TARBP1: variants seen among roughly 807,000 people sequenced by gnomAD.
The protein encoded by TARBP1 is tRNA (guanosine(18)-2'-O)-methyltransferase TARBP1.
A neutral mutation model predicts 178.6 loss-of-function variants in TARBP1; 144 were observed. The observed-to-expected ratio is 0.81, with a 90% CI of 0.70 to 0.93. The LOEUF (loss-of-function observed/expected upper bound fraction) is 0.93, where lower values mean the gene tolerates loss of function less well. Ranked by LOEUF, TARBP1 falls within the 40% of genes least tolerant of loss-of-function variation. The probability of loss-of-function intolerance (pLI) is 0.00; values close to 1 mark genes in which losing one functional copy is unlikely to be tolerated. For synonymous variants in TARBP1, 787 were observed against 781.0 expected (o/e 1.01, Z -0.13); for missense variants, 2,067 against 2,011.7 (o/e 1.03, Z -0.53).
intron 6 of TARBP1, among the ~76,000 whole-genome samples, chr1:234,460,624 T>C (rs961151422): frequency 2.0e-5 from 3 of 152,090 alleles, no homozygotes; most frequent in Admixed American, 2.0e-4. Context: ...GTGCAGCCGC[T>C]GTGGAAAAAA....
chr1:234,410,474 C>A lies in TARBP1; in HGVS notation c.3763G>T (p.Asp1255Tyr). 6.6e-7 allele frequency: 1 copy of A among 1,519,324 alleles called. No homozygotes were observed. Among genetic ancestry groups the A allele is most frequent in the South Asian group, 1.2e-5 (1 of 85,044 alleles). The allele number at this position is 1,519,324 out of a possible 1,614,324, so 94.1% of individuals were successfully genotyped here. A position where few individuals can be genotyped will look rare whatever the true frequency, so the allele number is the denominator to read the frequency against. ...TCTGGAATATTTTGAGTAATAATGT[C>A]TAAATGTGATAAAACTGCTAAAAAC... ...CTFLAVLSHL[D>Y]IITQNIPEKK... is the part of the protein sequence containing the mutation. The change falls in exon 23 of 30, where the codon GAC (aspartate) becomes TAC (tyrosine). Residue 1255 changes from aspartate to tyrosine, a missense_variant. Coordinates refer to ENST00000040877, the MANE Select transcript of TARBP1 (RefSeq NM_005646.4).
chr1:234,405,863 G>A (rs1278381656), intron 24 of TARBP1, 40 bp downstream of exon 24: 3 of 1,578,504 alleles, frequency 1.9e-6, no homozygotes, highest in Non-Finnish European at 2.6e-6. Context: ...GGCCCTGCTG[G>A]AGGAGAGTGA....
chr1:234,393,366 A>C lies in TARBP1; in HGVS notation c.4556T>G (p.Val1519Gly). 6.4e-7 allele frequency: 1 copy of C among 1,550,778 alleles called. No individual in the cohort carries two copies. Among genetic ancestry groups the C allele is most frequent in the Non-Finnish European group, 8.7e-7 (1 of 1,144,668 alleles). The change falls in exon 28 of 30, where the codon GTG becomes GGG. Residue 1519 changes from valine to glycine, a missense_variant. Val to Gly is a moderately radical substitution (Grantham distance 109, BLOSUM62 -3). Transcript: ENST00000040877. The stretch of plus-strand genomic sequence containing the variant: ...AATAAATTACTTTCCACCCACCTCC[A>C]CTAGAGGAAGCCACTGTTCTGCAGA... ...SVSAEQWLPL[V>G]EVKPPQLIDY... is the part of the protein sequence containing the mutation.
intron 9 of TARBP1, among the ~76,000 whole-genome samples, chr1:234,457,100 C>G (rs1309975925): frequency 6.6e-6 from 1 of 152,142 alleles, no homozygotes. Flanking sequence ...AGTAAGAGGT[C>G]TGGAGGCCAG....
chr1:234,406,324 T>G, intron 23 of TARBP1: 3 of 550,020 alleles, frequency 5.5e-6, no homozygotes, highest in Non-Finnish European at 9.7e-6. Context: ...TAGTTTTCAT[T>G]AATGCTGCAG....
In TARBP1 at chr1:234,425,785, CTCTTAGTACTA is replaced by C; in HGVS notation, c.3324-3_3331del. Reference sequence around the variant, plus strand: ...ACAAATTCTCACATAATGGTCTTCTCTCTTAGTACTAAAAAAATTAAATGATAAATTATGTT... The same window carrying C: ...ACAAATTCTCACATAATGGTCTTCTCAAAAAATTAAATGATAAATTATGTT... On this transcript the variant is annotated splice_acceptor_variant and splice_polypyrimidine_tract_variant and coding_sequence_variant and intron_variant, in exon 20 of 30. Transcript: ENST00000040877. LOFTEE classifies it high-confidence loss of function. 6.4e-7 allele frequency: 1 copy of C among 1,560,458 alleles called. No individual in the cohort carries two copies. Among genetic ancestry groups the C allele is most frequent in the Non-Finnish European group, 8.7e-7 (1 of 1,146,936 alleles).
chr1:234,466,004 T>C (rs1286480658), intron 4 of TARBP1, among the ~76,000 whole-genome samples: 1 of 151,932 alleles, frequency 6.6e-6, no homozygotes, highest in Non-Finnish European at 1.5e-5. Flanking sequence ...AAGAAACATA[T>C]GCTAGAAAAT....
intron 20 of TARBP1, 72 bp from the exon 21 acceptor site, chr1:234,420,884 C>T (rs6661926): frequency 0.25 from 230,132 of 929,568 alleles, 30,721 homozygotes; most frequent in East Asian, 0.42. Flanking sequence ...AAATCAATGA[C>T]AACTTGAAAT....
At chr1:234,467,382 A>G in intron 4 of TARBP1, 120 bp downstream of exon 4, 1 of 1,051,626 alleles carries the variant, frequency 9.5e-7, no homozygotes, top group Middle Eastern at 2.3e-4. Context: ...CTGGGTTTAG[A>G]GAAATATGAT....
chr1:234,470,087 C>T (rs952756286), intron 3 of TARBP1, among the ~76,000 whole-genome samples: 2 of 151,960 alleles, frequency 1.3e-5, no homozygotes, highest in African/African-American at 4.8e-5. Context: ...GCCAACGTGG[C>T]AAAACCCCGT....
rs1196642240 is a variant in TARBP1, at chr1:234,451,787, G to A, written c.1723-1221C>T. Among the ~76,000 whole-genome samples, 3 of 148,758 alleles carry A rather than the reference G, an allele frequency of 2.0e-5. 1 individual carries two copies. Among genetic ancestry groups the A allele is most frequent in the African/African-American group, 4.9e-5 (2 of 40,862 alleles). ...AAAAATGATGAATGACTGGATCATCGAAGTGGTCAGGACTAAAAGACACCA... is the reference window on the plus strand; with the variant it reads ...AAAAATGATGAATGACTGGATCATCAAAGTGGTCAGGACTAAAAGACACCA... On this transcript the variant is annotated intron_variant, in intron 9 of 29. Coordinates refer to ENST00000040877, the MANE Select transcript of TARBP1 (RefSeq NM_005646.4).
chr1:234,405,112 C>T (rs1247369532), intron 24 of TARBP1, among the ~76,000 whole-genome samples: 1 of 152,096 alleles, frequency 6.6e-6, no homozygotes, highest in Non-Finnish European at 1.5e-5. Flanking sequence ...ATGCTGCTTC[C>T]AACACTTAAC....
chr1:234,394,274 T>C (rs1276024033), intron 26 of TARBP1, among the ~76,000 whole-genome samples: 1 of 152,204 alleles, frequency 6.6e-6, no homozygotes, highest in Admixed American at 6.5e-5. Flanking sequence ...TAATAAAATA[T>C]CTAAAATAAT....
chr1:234,393,408 A>G lies in TARBP1; in HGVS notation c.4514T>C (p.Phe1505Ser). 1 of 1,607,826 alleles carries G rather than the reference A, an allele frequency of 6.2e-7. No individual in the cohort carries two copies. Among genetic ancestry groups the G allele is most frequent in the Non-Finnish European group, 8.5e-7 (1 of 1,176,552 alleles). ...GSLQCISDKQ[F>S]QHLSVSAEQW... ...TTCTGCAGAGACACTGAGGTGCTGA[A>G]ACTGTTTGTCGCTGATACACTGAAG... Residue 1505 changes from phenylalanine to serine, a missense_variant, in exon 28 of 30, where the codon TTT becomes TCT. Coordinates refer to ENST00000040877, the MANE Select transcript of TARBP1 (RefSeq NM_005646.4).
In TARBP1 at chr1:234,478,467, C is replaced by G; in HGVS notation, c.637G>C (p.Gly213Arg). The part of the protein sequence containing the change: ...GGAALRAVWG[G>R]LAAPGASLGS... ...AGGGACGCCCCAGGCGCGGCCAGCC[C>G]GCCCCACACGGCCCGCAGCGCCGCC... Residue 213 changes from glycine (G) to arginine (R), a missense_variant, in exon 1 of 30, where the codon GGG (glycine) becomes CGG (arginine). Coordinates refer to ENST00000040877, the MANE Select transcript of TARBP1 (RefSeq NM_005646.4). The G allele has an allele frequency of 7.2e-7, 1 of 1,381,602 alleles. No homozygotes were observed. The allele number at this position is 1,381,602 out of a possible 1,614,324, so 85.6% of individuals were successfully genotyped here.
At chr1:234,402,500 A>C (rs540574097) in intron 24 of TARBP1, among the ~76,000 whole-genome samples, 72 of 152,342 alleles carry the variant, frequency 4.7e-4, no homozygotes, top group African/African-American at 1.7e-3. Context: ...AGGTAAAGAA[A>C]ATTATAGACA....
Position 234,392,517 on chromosome 1 carries a change from C to T in TARBP1, c.4596G>A (p.Gln1532=), listed in dbSNP as rs757107013. ...TGATGGTATAACCTTCTGTTTTCTT[C>T]TGCTGCAGATAATCAATTAGCTGAG... ...KPPQLIDYLQ[Q]KKTEGYTIIG... is the part of the protein sequence containing the mutation. The change falls in exon 29 of 30, where the codon CAG becomes CAA. Residue 1532 remains glutamine, a synonymous_variant. Coordinates refer to ENST00000040877, the MANE Select transcript of TARBP1 (RefSeq NM_005646.4). The T allele has an allele frequency of 2.6e-5, 42 of 1,613,950 alleles. No homozygotes were observed. Among genetic ancestry groups the T allele is most frequent in the Non-Finnish European group, 3.4e-5 (40 of 1,179,990 alleles).
chr1:234,432,135 CAAAAAA>C (rs72281584), intron 14 of TARBP1, among the ~76,000 whole-genome samples: 14,865 of 94,364 alleles, frequency 0.16, 1,161 homozygotes, highest in East Asian at 0.37. Context: ...ACTCCGTCTC[CAAAAAA>C]AAAAAAAAAA....
intron 9 of TARBP1, 109 bp from the exon 10 acceptor site, chr1:234,450,675 A>C: frequency 8.1e-7 from 1 of 1,240,708 alleles, no homozygotes; most frequent in East Asian, 2.6e-5. Context: ...AATTTAAATA[A>C]TCGAATACAA....
Sources: gnomAD v4.1 joint callset for allele counts (sites outside exome capture counted in the v4.1 genomes callset) on GRCh38, gnomAD v4.1.1 for gene constraint, MANE v1.5 for transcripts, NCBI Gene and HGNC (gene_info 2026-07-23, HGNC 2026-07-21) for gene names.